The following PTPRM variants were observed in gnomAD, a reference collection of about 807,000 sequenced individuals.
The protein encoded by PTPRM is protein tyrosine phosphatase receptor type M.
PTPRM carries 47 observed loss-of-function variants against 186.7 expected under a neutral mutation model. The observed-to-expected ratio is 0.25, with a 90% CI of 0.20 to 0.32. The LOEUF (loss-of-function observed/expected upper bound fraction) is 0.32, where lower values mean the gene tolerates loss of function less well. PTPRM is among the 10% of genes least tolerant of loss of function. The pLI, the probability that PTPRM is intolerant of heterozygous loss-of-function variation, is 1.00. For synonymous variants in PTPRM, 668 were observed against 674.9 expected, an observed-to-expected ratio of 0.99 and a Z score of 0.16; for missense variants, 1,494 against 1,865.0, an observed-to-expected ratio of 0.80 and a Z score of 3.66.
chr18:8,135,601 A>G (rs141783648), intron 13 of PTPRM, among the ~76,000 whole-genome samples: 12 of 152,344 alleles, frequency 7.9e-5, no homozygotes, highest in African/African-American at 2.9e-4. Flanking sequence ...TTTAGAATAT[A>G]TTAAACACAA....
chr18:7,866,346 A>G (rs1410273446), intron 2 of PTPRM, among the ~76,000 whole-genome samples: 2 of 152,106 alleles, frequency 1.3e-5, no homozygotes, highest in Non-Finnish European at 2.9e-5. Flanking sequence ...TTCCCTCTAA[A>G]CACTGCTTTA....
At chr18:7,759,372 G>A (rs986548780) in intron 1 of PTPRM, among the ~76,000 whole-genome samples, 1 of 152,134 alleles carries the variant, frequency 6.6e-6, no homozygotes, top group Admixed American at 6.5e-5. Flanking sequence ...CAAATATATG[G>A]TGACACTTTG....
At chr18:7,637,672 G>A (rs907936511) in intron 1 of PTPRM, among the ~76,000 whole-genome samples, 1 of 152,106 alleles carries the variant, frequency 6.6e-6, no homozygotes, top group Non-Finnish European at 1.5e-5. Context: ...AATAATCATT[G>A]AATTAATGCA....
intron 4 of PTPRM, among the ~76,000 whole-genome samples, chr18:7,907,058 GA>G (rs1234993736): frequency 6.6e-6 from 1 of 152,166 alleles, no homozygotes; most frequent in Non-Finnish European, 1.5e-5. Context: ...GGGGACCCCA[GA>G]AATGGCCTGC....
intron 32 of PTPRM, 86 bp from the exon 33 acceptor site, chr18:8,406,023 A>T: frequency 8.2e-7 from 1 of 1,215,544 alleles, no homozygotes; most frequent in South Asian, 1.2e-5. Flanking sequence ...ATGTCTTCCC[A>T]TTAAGACCCT....
chr18:8,312,133 A>T (rs2095273281), intron 20 of PTPRM, among the ~76,000 whole-genome samples: 1 of 152,180 alleles, frequency 6.6e-6, no homozygotes, highest in Non-Finnish European at 1.5e-5. Context: ...GTGTGTGTGG[A>T]GTAGCCGTGA....
At chr18:7,877,194 A>C (rs911336085) in intron 2 of PTPRM, among the ~76,000 whole-genome samples, 2 of 152,146 alleles carry the variant, frequency 1.3e-5, no homozygotes, top group African/African-American at 4.8e-5. Context: ...AATTAAATAT[A>C]TGTATTTATA....
At chr18:8,240,493 GAGAGAGAGGAAGGA>G in intron 14 of PTPRM, among the ~76,000 whole-genome samples, 1 of 81,908 alleles carries the variant, frequency 1.2e-5, no homozygotes, top group Non-Finnish European at 2.5e-5. Flanking sequence ...GAGAGAGAGA[GAGAGAGAGGAAGGA>G]AGGAAGGAAG....
chr18:8,030,362 C>T (rs2085883734), intron 7 of PTPRM, among the ~76,000 whole-genome samples: 1 of 152,272 alleles, frequency 6.6e-6, no homozygotes, highest in South Asian at 2.1e-4. Context: ...GATTTGAAAG[C>T]CTAGGCCCTG....
intron 17 of PTPRM, among the ~76,000 whole-genome samples, chr18:8,248,902 C>G (rs901082274): frequency 6.6e-6 from 1 of 152,160 alleles, no homozygotes; most frequent in Non-Finnish European, 1.5e-5. Context: ...ATATTCCCAG[C>G]AGGGGGTTAC....
intron 2 of PTPRM, among the ~76,000 whole-genome samples, chr18:7,869,373 G>A (rs183283929): frequency 6.6e-6 from 1 of 152,300 alleles, no homozygotes; most frequent in Non-Finnish European, 1.5e-5. Context: ...AAAGACTGTG[G>A]GAAAAGCGTA....
At chr18:7,958,700 T>C (rs1327236556) in intron 7 of PTPRM, among the ~76,000 whole-genome samples, 1 of 152,234 alleles carries the variant, frequency 6.6e-6, no homozygotes, top group Non-Finnish European at 1.5e-5. Flanking sequence ...GTTTCATTTT[T>C]ATTTCATCCT....
chr18:8,248,117 T>C, intron 16 of PTPRM, 33 bp from the exon 17 acceptor site: 1 of 1,522,496 alleles, frequency 6.6e-7, no homozygotes, highest in Non-Finnish European at 9.1e-7. Context: ...CTTTTTACTT[T>C]CTCTGCATTG....
At chr18:7,606,318 A>G (rs1390277386) in intron 1 of PTPRM, among the ~76,000 whole-genome samples, 1 of 152,014 alleles carries the variant, frequency 6.6e-6, no homozygotes, top group East Asian at 1.9e-4. Flanking sequence ...GCTTCTGTGG[A>G]AGAAGAGGCA....
intron 2 of PTPRM, among the ~76,000 whole-genome samples, chr18:7,852,343 G>A (rs541414344): frequency 2.0e-5 from 3 of 152,254 alleles, no homozygotes; most frequent in South Asian, 2.1e-4. Context: ...TTAGGAGGCC[G>A]AGGTGGGAGG....
intron 19 of PTPRM, among the ~76,000 whole-genome samples, chr18:8,293,926 T>C (rs963382152): frequency 1.3e-5 from 2 of 152,204 alleles, no homozygotes; most frequent in Non-Finnish European, 1.5e-5. Context: ...AGGGTTTTAC[T>C]TTTTATATTA....
intron 7 of PTPRM, among the ~76,000 whole-genome samples, chr18:8,031,817 G>A (rs1022226364): frequency 7.2e-5 from 11 of 152,172 alleles, no homozygotes; most frequent in Non-Finnish European, 1.3e-4. Context: ...GTCAAGCTTG[G>A]CCTCATTCAG....
intron 2 of PTPRM, among the ~76,000 whole-genome samples, chr18:7,868,103 T>C (rs1189850382): frequency 6.6e-6 from 1 of 152,150 alleles, no homozygotes; most frequent in Non-Finnish European, 1.5e-5. Context: ...CATCTAACCT[T>C]TTTTCAAAGT....
chr18:7,946,867 T>G, intron 5 of PTPRM: 2 of 452,536 alleles, frequency 4.4e-6, no homozygotes, highest in Non-Finnish European at 8.9e-6. Context: ...CACTCCTGTC[T>G]GCTTTCTCAC....
Sources: allele counts gnomAD v4.1 joint callset (sites outside exome capture counted in the v4.1 genomes callset), GRCh38; gene constraint gnomAD v4.1.1; transcripts MANE v1.5; gene names NCBI Gene and HGNC (gene_info 2026-07-23, HGNC 2026-07-21).